COLEC12: variants seen among roughly 807,000 people sequenced by gnomAD.
The protein encoded by COLEC12 is collectin subfamily member 12.
COLEC12 carries 33 observed loss-of-function variants against 71.1 expected under a neutral mutation model. That is an observed-to-expected ratio of 0.46 (90% CI 0.35 to 0.62). The LOEUF is 0.62. Among genes scored for constraint, COLEC12 ranks in the 20% least tolerant of loss-of-function variants. The probability of loss-of-function intolerance (pLI) is 0.00; values close to 1 mark genes in which losing one functional copy is unlikely to be tolerated. For missense variants in COLEC12, 765 were observed against 916.1 expected, an observed-to-expected ratio of 0.84 and a Z score of 2.13; for synonymous variants, 350 against 353.0, an observed-to-expected ratio of 0.99 and a Z score of 0.10.
At chr18:342,116 G>T (rs1914267174) in intron 5 of COLEC12, among the ~76,000 whole-genome samples, 1 of 152,002 alleles carries the variant, frequency 6.6e-6, no homozygotes. Flanking sequence ...AGAGTGCAAT[G>T]GTGAGATCTC....
rs1915400353 is a variant in COLEC12 at position 388,834 on chromosome 18, A to G, written c.59-31312T>C. On this transcript the variant is annotated intron_variant, in intron 2 of 9. Coordinates refer to ENST00000400256, the MANE Select transcript of COLEC12 (RefSeq NM_130386.3). ...GGTAATCCTGGCAATGAAGAGGTGG[A>G]TCTTAGGGTCTTCCTGCCTCCAACT... is the stretch of plus-strand genomic sequence containing the variant. Among the ~76,000 whole-genome samples, 4 of 152,152 alleles carry G rather than the reference A, an allele frequency of 2.6e-5. No individual in the cohort carries two copies. In the South Asian group the frequency reaches 8.3e-4, roughly 32 times the overall value.
In COLEC12 at chr18:364,438, C is replaced by A. The variant is rs1914813802; in HGVS notation, c.59-6916G>T. On this transcript the variant is annotated intron_variant, in intron 2 of 9. Transcript: ENST00000400256. ...CTTGCTCACTGGGGAGCTCAACCAT[C>A]ACATCTCTTACAGTTGTCTCTCCTA... 2.0e-5 allele frequency among the ~76,000 whole-genome samples: 3 copies of A among 152,196 alleles called. No homozygotes were observed. The South Asian group carries it at 6.2e-4, about 31-fold the overall frequency.
intron 8 of COLEC12, among the ~76,000 whole-genome samples, chr18:326,026 A>G (rs1010056461): frequency 6.6e-6 from 1 of 152,098 alleles, no homozygotes; most frequent in Non-Finnish European, 1.5e-5. Context: ...CTTAGGGATT[A>G]ATTTGTTCTT....
intron 2 of COLEC12, among the ~76,000 whole-genome samples, chr18:450,914 C>T (rs1916748600): frequency 7.0e-6 from 1 of 142,984 alleles, no homozygotes; most frequent in African/African-American, 2.6e-5. Context: ...GAGTAAAGGC[C>T]ACTTTTTCCA....
chr18:442,002 TACACACACAC>T (rs56024245), intron 2 of COLEC12, among the ~76,000 whole-genome samples: 14,305 of 120,514 alleles, frequency 0.12, 960 homozygotes, highest in East Asian at 0.3. Context: ...TCTCTCTCTC[TACACACACAC>T]ACACACACAC....
At chr18:322,128 G>C (rs191377036) in intron 8 of COLEC12, among the ~76,000 whole-genome samples, 20 of 150,668 alleles carry the variant, frequency 1.3e-4, no homozygotes, top group African/African-American at 4.9e-4. Context: ...ATGTGTACTG[G>C]AATGCTGACT....
Position 336,367 on chromosome 18 carries a change from T to C in COLEC12, c.1328-1137A>G, listed in dbSNP as rs540177490. Among the ~76,000 whole-genome samples the C allele has an allele frequency of 1.9e-3, 286 of 152,106 alleles. 2 individuals are homozygous for C. The highest frequency in any genetic ancestry group is 6.3e-3 in the African/African-American group (261 of 41,488). ...AGTCTAATAATACACATAAGGAAGG[T>C]AGGCTAGAGAAAAAAGGTATGTGGA... On this transcript the variant is annotated intron_variant, in intron 5 of 9. Coordinates refer to ENST00000400256, the MANE Select transcript of COLEC12 (RefSeq NM_130386.3).
intron 1 of COLEC12, among the ~76,000 whole-genome samples, chr18:484,627 C>T (rs190909042): frequency 1.3e-3 from 193 of 152,254 alleles, no homozygotes; most frequent in African/African-American, 4.5e-3. Context: ...CTGCATATTA[C>T]ATCCCTTTCT....
intron 2 of COLEC12, among the ~76,000 whole-genome samples, chr18:391,376 T>G (rs9954032): frequency 0.2 from 31,131 of 152,182 alleles, 3,462 homozygotes; most frequent in South Asian, 0.28. Context: ...GATTGCTTTT[T>G]GAAACCTTTG....
rs189747032 is a variant in COLEC12 at position 355,938 on chromosome 18, G to C, written c.181+1462C>G. Among the ~76,000 whole-genome samples the C allele has an allele frequency of 2.5e-4, 38 of 152,326 alleles. 2 individuals are homozygous for C. The highest frequency in any genetic ancestry group is 9.1e-4 in the African/African-American group (38 of 41,574). On this transcript the variant is annotated intron_variant, in intron 3 of 9. Coordinates refer to ENST00000400256, the MANE Select transcript of COLEC12 (RefSeq NM_130386.3). ...TAAAAACTTAAGATGCTCTGGGTTA[G>C]ATCACAGTCTAACTCATCACAAATG...
intron 2 of COLEC12, among the ~76,000 whole-genome samples, chr18:398,697 T>C (rs1915619661): frequency 6.6e-6 from 1 of 152,210 alleles, no homozygotes; most frequent in African/African-American, 2.4e-5. Context: ...TGTGGGACTA[T>C]CTGACTTAGT....
At chr18:357,907 G>A (rs759627008) in intron 2 of COLEC12, among the ~76,000 whole-genome samples, 10 of 152,190 alleles carry the variant, frequency 6.6e-5, no homozygotes, top group East Asian at 1.9e-4. Flanking sequence ...GTTAGGAACC[G>A]GCTGCACAGC....
chr18:373,559 T>C (rs561854119), intron 2 of COLEC12, among the ~76,000 whole-genome samples: 2 of 152,234 alleles, frequency 1.3e-5, no homozygotes, highest in South Asian at 4.1e-4. Context: ...TTATGTACCA[T>C]AAACTGTGCA....
chr18:379,040 G>A (rs1375051222), intron 2 of COLEC12, among the ~76,000 whole-genome samples: 2 of 152,170 alleles, frequency 1.3e-5, no homozygotes, highest in Non-Finnish European at 2.9e-5. Flanking sequence ...CCTCCCCAAC[G>A]CAGGGTGCAC....
chr18:424,869 C>T (rs890526351), intron 2 of COLEC12, among the ~76,000 whole-genome samples: 1 of 152,136 alleles, frequency 6.6e-6, no homozygotes, highest in Non-Finnish European at 1.5e-5. Context: ...GTAAGTCTGC[C>T]GACAACCAGG....
At chr18:350,414 A>G (rs1247816270) in intron 3 of COLEC12, among the ~76,000 whole-genome samples, 1 of 152,160 alleles carries the variant, frequency 6.6e-6, no homozygotes, top group Admixed American at 6.5e-5. Context: ...GTATGTCTTT[A>G]TCAGCAGCAT....
At position 352,735 on chromosome 18, in the gene COLEC12, A is replaced by C. The variant is rs550660787; in HGVS notation, c.182-4572T>G. The stretch of plus-strand genomic sequence containing the variant: ...GAGATCCAGAACTTACCCTTGCTGT[A>C]ACAGCACACAGCACTTTCATTGACT... On this transcript the variant is annotated intron_variant, in intron 3 of 9. Coordinates refer to ENST00000400256, the MANE Select transcript of COLEC12 (RefSeq NM_130386.3). 6.6e-5 allele frequency among the ~76,000 whole-genome samples: 10 copies of C among 152,292 alleles called. No homozygotes were observed. The South Asian group carries it at 2.1e-3, about 32-fold the overall frequency.
chr18:489,001 T>C (rs55726695), intron 1 of COLEC12, among the ~76,000 whole-genome samples: 3,198 of 152,136 alleles, frequency 0.021, 100 homozygotes, highest in African/African-American at 0.072. Context: ...TTTCCCAGCA[T>C]TGAAGGACAT....
In COLEC12 at chr18:406,465, C is replaced by T. The variant is rs1310972114; in HGVS notation, c.59-48943G>A. On this transcript the variant is annotated intron_variant, in intron 2 of 9. Coordinates refer to ENST00000400256, the MANE Select transcript of COLEC12 (RefSeq NM_130386.3). ...CGGAGCTTGCAGTGAGCCGAGATTG[C>T]GCCACTGCAGTCCGCAGTCCGGCCT... Among the ~76,000 whole-genome samples the T allele has an allele frequency of 6.7e-5, 9 of 134,188 alleles. No individual in the cohort carries two copies. The East Asian group carries it at 1.4e-3, about 22-fold the overall frequency. 88.0% of individuals were successfully genotyped at this position (134,188 alleles called of 152,430 possible). A position where few individuals can be genotyped will look rare whatever the true frequency, so the allele number is the denominator to read the frequency against.
Sources: gnomAD v4.1 joint callset for allele counts (sites outside exome capture counted in the v4.1 genomes callset) on GRCh38, gnomAD v4.1.1 for gene constraint, MANE v1.5 for transcripts, NCBI Gene and HGNC (gene_info 2026-07-23, HGNC 2026-07-21) for gene names.